AOPEP: variants seen among roughly 807,000 people sequenced by gnomAD.
AOPEP encodes the protein aminopeptidase O (putative), also known as aminopeptidase O.
Under a neutral mutation model 98.1 loss-of-function variants are expected in AOPEP, and 77 were observed. The observed-to-expected ratio is 0.78, with a 90% CI of 0.65 to 0.95. The LOEUF (loss-of-function observed/expected upper bound fraction) is 0.95, where lower values mean the gene tolerates loss of function less well. Ranked by LOEUF, AOPEP falls within the 40% of genes least tolerant of loss-of-function variation. The pLI is 0.00. For missense variants in AOPEP, 1,024 were observed against 1,024.7 expected, an observed-to-expected ratio of 1.00 and a Z score of 0.01; for synonymous variants, 346 against 365.3, an observed-to-expected ratio of 0.95 and a Z score of 0.60.
chr9:95,123,451 G>A, the AOPEP span: 2 of 460,296 alleles, frequency 4.3e-6, no homozygotes, highest in African/African-American at 2.0e-5. Flanking sequence ...ACCAGCCCGG[G>A]CAACATGGTG....
At chr9:95,044,578 G>A (rs965521843) in intron 13 of AOPEP, among the ~76,000 whole-genome samples, 7 of 152,212 alleles carry the variant, frequency 4.6e-5, no homozygotes, top group Non-Finnish European at 7.3e-5. Context: ...TTGGTGAAGG[G>A]TTCTTGAAAA....
chr9:94,803,039 T>C (rs1848523143), intron 5 of AOPEP, among the ~76,000 whole-genome samples: 1 of 152,190 alleles, frequency 6.6e-6, no homozygotes, highest in Non-Finnish European at 1.5e-5. Flanking sequence ...GTCGAGACTT[T>C]GCTTGAGGTT....
rs770236134 is a variant in AOPEP, at chr9:94,760,058, C to T, written c.275C>T (p.Ser92Phe). 4.3e-6 allele frequency: 7 copies of T among 1,614,042 alleles called. No individual in the cohort carries two copies. The Admixed American group carries it at 1.2e-4, about 27-fold the overall frequency. The change falls in exon 2 of 17, where the codon TCT (serine) becomes TTT (phenylalanine). Residue 92 changes from serine to phenylalanine, a missense_variant. Ser to Phe is a radical substitution (Grantham distance 155). Coordinates refer to ENST00000375315, the MANE Select transcript of AOPEP (RefSeq NM_001193329.3). ...GTGACAAATGCAAGGACCTTCTCATCTGAAATGGAATATAATGATTTTGCA... is the reference window on the plus strand; with the variant it reads ...GTGACAAATGCAAGGACCTTCTCATTTGAAATGGAATATAATGATTTTGCA... ...IPVTNARTFSSEMEYNDFAIC... is the reference protein window; with the variant it reads ...IPVTNARTFSFEMEYNDFAIC...
intron 10 of AOPEP, among the ~76,000 whole-genome samples, chr9:94,973,585 A>G (rs932107924): frequency 6.6e-6 from 1 of 152,188 alleles, no homozygotes; most frequent in Non-Finnish European, 1.5e-5. Flanking sequence ...GAGTCGCCCT[A>G]TAGGATGTGG....
intron 13 of AOPEP, among the ~76,000 whole-genome samples, chr9:95,016,628 A>C (rs1012881977): frequency 6.6e-6 from 1 of 151,490 alleles, no homozygotes; most frequent in African/African-American, 2.4e-5. Context: ...ACCTTTTTTT[A>C]TTGAGATGGG....
At chr9:95,090,995 C>T (rs1421714257), downstream of AOPEP, among the ~76,000 whole-genome samples, 2 of 152,184 alleles carry the variant, frequency 1.3e-5, no homozygotes, top group East Asian at 1.9e-4. Flanking sequence ...AGGGAGGCTG[C>T]GGCTTCCCTC....
At chr9:94,826,486 C>T (rs1430481857) in intron 5 of AOPEP, among the ~76,000 whole-genome samples, 1 of 152,162 alleles carries the variant, frequency 6.6e-6, no homozygotes, top group African/African-American at 2.4e-5. Flanking sequence ...GTTTGCCTCT[C>T]TAGGAATCTC....
chr9:94,857,788 G>T (rs1400036132), intron 5 of AOPEP, among the ~76,000 whole-genome samples: 1 of 152,168 alleles, frequency 6.6e-6, no homozygotes, highest in African/African-American at 2.4e-5. Context: ...TAAAGCAGTT[G>T]CTTATCTACT....
chr9:94,868,780 A>G (rs997241781), intron 5 of AOPEP, among the ~76,000 whole-genome samples: 3 of 152,176 alleles, frequency 2.0e-5, no homozygotes, highest in African/African-American at 7.2e-5. Context: ...CCCCTCTCCC[A>G]GCAACCACTA....
chr9:94,956,414 A>G (rs1354133146), intron 9 of AOPEP, among the ~76,000 whole-genome samples: 3 of 152,068 alleles, frequency 2.0e-5, no homozygotes, highest in East Asian at 1.9e-4. Context: ...TGCCCTTTCC[A>G]TTGCCTTCAT....
At chr9:94,933,082 A>G in intron 7 of AOPEP, 6 of 985,480 alleles carry the variant, frequency 6.1e-6, no homozygotes, top group Non-Finnish European at 7.2e-6. Context: ...CCTGGGCAGA[A>G]CTCTTCCCCA....
intron 11 of AOPEP, among the ~76,000 whole-genome samples, chr9:94,993,787 G>C (rs2061047635): frequency 6.6e-6 from 1 of 152,146 alleles, no homozygotes; most frequent in African/African-American, 2.4e-5. Flanking sequence ...TCACAATTCA[G>C]TTCTTCTTTA....
chr9:95,110,444 T>C, the AOPEP span: 9 of 1,027,054 alleles, frequency 8.8e-6, no homozygotes, highest in African/African-American at 1.5e-4. Flanking sequence ...ACGTGATCTT[T>C]TAAAGGGGAA....
intron 5 of AOPEP, among the ~76,000 whole-genome samples, chr9:94,843,071 A>G (rs1438527962): frequency 2.0e-5 from 3 of 152,264 alleles, no homozygotes; most frequent in African/African-American, 7.2e-5. Context: ...TATGTCTTCA[A>G]ATATTTTCTT....
chr9:94,737,656 C>G (rs183826563), intron 1 of AOPEP, among the ~76,000 whole-genome samples: 3 of 152,188 alleles, frequency 2.0e-5, no homozygotes, highest in Admixed American at 2.0e-4. Context: ...TAAAATATAC[C>G]TTCCATTTGG....
At chr9:94,979,466 G>A in intron 11 of AOPEP, 39 bp downstream of exon 11, 2 of 1,327,942 alleles carry the variant, frequency 1.5e-6, no homozygotes, top group Non-Finnish European at 2.2e-6. Context: ...TCCATGGAGA[G>A]TAGTAAAGCT....
At chr9:94,989,413 T>G (rs539833664) in intron 11 of AOPEP, among the ~76,000 whole-genome samples, 1 of 152,066 alleles carries the variant, frequency 6.6e-6, no homozygotes, top group East Asian at 2.0e-4. Context: ...ATTTTTGTAT[T>G]TTTAGTAGAG....
At chr9:94,995,987 T>C (rs1255607112) in intron 11 of AOPEP, among the ~76,000 whole-genome samples, 2 of 152,114 alleles carry the variant, frequency 1.3e-5, no homozygotes. Flanking sequence ...CTGGATCAAG[T>C]TCACATTCCC....
At chr9:94,964,572 G>A (rs575346171) in intron 9 of AOPEP, among the ~76,000 whole-genome samples, 74 of 149,592 alleles carry the variant, frequency 4.9e-4, no homozygotes, top group Non-Finnish European at 9.6e-4. Flanking sequence ...GGATAAATTA[G>A]TATAGGCTAC....
Sources: allele counts gnomAD v4.1 joint callset (sites outside exome capture counted in the v4.1 genomes callset), GRCh38; gene constraint gnomAD v4.1.1; transcripts MANE v1.5; gene names NCBI Gene and HGNC (gene_info 2026-07-23, HGNC 2026-07-21).